Variants in F13A1 observed in about 807,000 individuals in gnomAD.
The protein encoded by F13A1 is coagulation factor XIII A chain.
A neutral mutation model predicts 80.1 loss-of-function variants in F13A1; 47 were observed. That is an observed-to-expected ratio of 0.59 (90% CI 0.46 to 0.75). The LOEUF is 0.75. Among genes scored for constraint, F13A1 ranks in the 30% least tolerant of loss-of-function variants. The pLI, the probability that F13A1 is intolerant of heterozygous loss-of-function variation, is 0.00. For synonymous variants in F13A1, 349 were observed against 344.9 expected (o/e 1.01, Z -0.13); for missense variants, 817 against 930.4 (o/e 0.88, Z 1.59).
At chr6:6,269,509 A>AT (rs145887496) in intron 3 of F13A1, among the ~76,000 whole-genome samples, 3 of 152,010 alleles carry the variant, frequency 2.0e-5, no homozygotes, top group Non-Finnish European at 4.4e-5. Context: ...GAAAAAAAAA[A>AT]GGGTTGCCAT....
At chr6:6,171,877 C>A (rs1760781313) in intron 12 of F13A1, among the ~76,000 whole-genome samples, 2 of 152,222 alleles carry the variant, frequency 1.3e-5, no homozygotes, top group African/African-American at 4.8e-5. Flanking sequence ...TTTCTTCTGG[C>A]TGGAATGCTC....
At chr6:6,166,790 T>C (rs1760682302) in intron 13 of F13A1, among the ~76,000 whole-genome samples, 1 of 152,164 alleles carries the variant, frequency 6.6e-6, no homozygotes, top group South Asian at 2.1e-4. Flanking sequence ...TTTCTGGTGA[T>C]CACTGGAGAG....
chr6:6,176,392 A>G (rs7774391), intron 11 of F13A1, among the ~76,000 whole-genome samples: 89,900 of 152,058 alleles, frequency 0.59, 27,300 homozygotes, highest in Non-Finnish European at 0.67. Flanking sequence ...AGACACTATT[A>G]TTACCATCAC....
In F13A1 at chr6:6,167,445, C is replaced by G; in HGVS notation, c.1908+13G>C. 2.5e-6 allele frequency: 4 copies of G among 1,612,646 alleles called. No homozygotes were observed. Among genetic ancestry groups the G allele is most frequent in the Non-Finnish European group, 3.4e-6 (4 of 1,179,688 alleles). ...CCTTTGTCTCTGTTCCAGGATGAGACGCTAAGACTGACCTTGATGATGATC... is the reference window on the plus strand; with the variant it reads ...CCTTTGTCTCTGTTCCAGGATGAGAGGCTAAGACTGACCTTGATGATGATC... On this transcript the variant is annotated intron_variant, in intron 13 of 14. Transcript: ENST00000264870.
At chr6:6,311,979 A>G (rs1758608259) in intron 2 of F13A1, among the ~76,000 whole-genome samples, 1 of 147,858 alleles carries the variant, frequency 6.8e-6, no homozygotes, top group Non-Finnish European at 1.5e-5. Context: ...TATTATAAAC[A>G]ATATATTTAT....
chr6:6,253,166 G>A (rs3863220), intron 4 of F13A1, among the ~76,000 whole-genome samples: 8,922 of 124,616 alleles, frequency 0.072, 419 homozygotes, highest in Non-Finnish European at 0.093. Context: ...AAAAAAAAGA[G>A]AGAGAGAGAG....
At chr6:6,273,492 A>G (rs748389605) in intron 3 of F13A1, among the ~76,000 whole-genome samples, 2 of 152,160 alleles carry the variant, frequency 1.3e-5, no homozygotes, top group Non-Finnish European at 2.9e-5. Context: ...TTATATAAAC[A>G]CATTTTAAGC....
At chr6:6,192,442 T>A (rs1484242456) in intron 10 of F13A1, among the ~76,000 whole-genome samples, 1 of 152,094 alleles carries the variant, frequency 6.6e-6, no homozygotes, top group Non-Finnish European at 1.5e-5. Context: ...GTGGCTGGAT[T>A]TATGATAATT....
intron 1 of F13A1, 110 bp downstream of exon 1, chr6:6,320,477 C>T (rs776257030): frequency 3.0e-6 from 1 of 332,424 alleles, no homozygotes; most frequent in Middle Eastern, 6.1e-4. Flanking sequence ...TGCCTGTGAC[C>T]GGCGCCACAG....
At chr6:6,156,115 T>C (rs1476136272) in intron 13 of F13A1, among the ~76,000 whole-genome samples, 1 of 152,220 alleles carries the variant, frequency 6.6e-6, no homozygotes, top group African/African-American at 2.4e-5. Context: ...TTGCATATAC[T>C]TGATGGCCTT....
rs992247769 is a variant in F13A1 at position 6,248,250 on chromosome 6, G to C, written c.798+62C>G. On this transcript the variant is annotated intron_variant, in intron 6 of 14. Coordinates refer to ENST00000264870, the MANE Select transcript of F13A1 (RefSeq NM_000129.4). ...CATTTCAGCAGCTCTTAATGAACTG[G>C]CATATATACTGAGGCAAATGACAGG... 6.3e-6 allele frequency: 8 copies of C among 1,270,072 alleles called. No homozygotes were observed. The African/African-American group carries it at 1.0e-4, about 16-fold the overall frequency. The allele number at this position is 1,270,072 out of a possible 1,614,324, so 78.7% of individuals were successfully genotyped here.
Position 6,151,963 on chromosome 6 carries a change from T to A in F13A1, c.1909-14A>T, listed in dbSNP as rs1450451505. On this transcript the variant is annotated splice_polypyrimidine_tract_variant and intron_variant, in intron 13 of 14. Coordinates refer to ENST00000264870, the MANE Select transcript of F13A1 (RefSeq NM_000129.4). ...AGTGCCACGGACCTAAGAGAGAGAATGCAGGTCATTAGCACCAAATAAAAC... is the reference window on the plus strand; with the variant it reads ...AGTGCCACGGACCTAAGAGAGAGAAAGCAGGTCATTAGCACCAAATAAAAC... 4.3e-6 allele frequency: 7 copies of A among 1,613,862 alleles called. No homozygotes were observed.
At chr6:6,305,177 T>G (rs2113183516) in intron 3 of F13A1, 174 bp downstream of exon 3, 1 of 727,732 alleles carries the variant, frequency 1.4e-6, no homozygotes, top group Non-Finnish European at 2.4e-6. Context: ...TTATCAATAT[T>G]TGGCACTATA....
chr6:6,260,221 C>G (rs1020261359), intron 4 of F13A1, among the ~76,000 whole-genome samples: 1 of 152,182 alleles, frequency 6.6e-6, no homozygotes, highest in Non-Finnish European at 1.5e-5. Flanking sequence ...CTATTGATCC[C>G]CATTAATGAT....
In F13A1 at chr6:6,167,604, C is replaced by T. The variant is rs2151072810; in HGVS notation, c.1762G>A (p.Val588Met). 4 of 1,613,550 alleles carry T rather than the reference C, an allele frequency of 2.5e-6. No homozygotes were observed. The South Asian group carries it at 3.3e-5, about 13-fold the overall frequency. The change falls in exon 13 of 15, where the codon GTG becomes ATG. Residue 588 changes from valine to methionine, a missense_variant. By Grantham distance (21) the Val-to-Met change is conservative (BLOSUM62 1). Coordinates refer to ENST00000264870, the MANE Select transcript of F13A1 (RefSeq NM_000129.4). ...ATGTACTCGCCGGCTTGGATCAGCACCGCCTCTTTCTTGACTAGTAGGAGA... is the reference window on the plus strand; with the variant it reads ...ATGTACTCGCCGGCTTGGATCAGCATCGCCTCTTTCTTGACTAGTAGGAGA... ...LEPLSFKKEA[V>M]LIQAGEYMGQ...
chr6:6,160,845 T>C (rs1421593419), intron 13 of F13A1, among the ~76,000 whole-genome samples: 1 of 140,100 alleles, frequency 7.1e-6, no homozygotes. Context: ...ATTGTCCTCA[T>C]TTTAAAAGCT....
chr6:6,207,640 C>A (rs1407939092), intron 8 of F13A1, among the ~76,000 whole-genome samples: 5 of 152,210 alleles, frequency 3.3e-5, no homozygotes, highest in African/African-American at 7.2e-5. Flanking sequence ...TCTGTCCACA[C>A]AGGAAGTGAA....
intron 12 of F13A1, among the ~76,000 whole-genome samples, chr6:6,174,218 C>T (rs548128870): frequency 1.1e-4 from 16 of 152,028 alleles, no homozygotes; most frequent in South Asian, 8.3e-4. Flanking sequence ...AGTGAAATCC[C>T]GTCTCTACTA....
At chr6:6,222,434 A>C (rs554209643) in intron 7 of F13A1, among the ~76,000 whole-genome samples, 3 of 152,280 alleles carry the variant, frequency 2.0e-5, no homozygotes, top group Non-Finnish European at 4.4e-5. Flanking sequence ...CAGGGTTCTA[A>C]TTGTTTCGTT....
Sources: gnomAD v4.1 joint callset for allele counts (sites outside exome capture counted in the v4.1 genomes callset) on GRCh38, gnomAD v4.1.1 for gene constraint, MANE v1.5 for transcripts, NCBI Gene and HGNC (gene_info 2026-07-23, HGNC 2026-07-21) for gene names.